Variants in RBFOX1 observed in about 807,000 individuals in gnomAD.
RBFOX1 encodes the protein RNA binding fox-1 homolog 1, also known as RNA binding protein fox-1 homolog 1.
Under a neutral mutation model 57.7 loss-of-function variants are expected in RBFOX1, and 8 were observed. The observed-to-expected ratio is 0.14, with a 90% CI of 0.08 to 0.25. The LOEUF is 0.25. RBFOX1 is among the 10% of genes least tolerant of loss of function. RBFOX1 has a pLI of 1.00. For synonymous variants in RBFOX1, 326 were observed against 222.4 expected (o/e 1.47, Z -4.15); for missense variants, 611 against 548.5 (o/e 1.11, Z -1.14).
intron 2 of RBFOX1, among the ~76,000 whole-genome samples, chr16:6,532,316 G>C (rs2096669418): frequency 6.6e-6 from 1 of 152,138 alleles, no homozygotes; most frequent in African/African-American, 2.4e-5. Flanking sequence ...CAGTGAGCAA[G>C]TGATCTCCAT....
At chr16:5,915,374 C>T (rs956588694) in intron 4 of RBFOX1, among the ~76,000 whole-genome samples, 1 of 152,156 alleles carries the variant, frequency 6.6e-6, no homozygotes, top group Non-Finnish European at 1.5e-5. Context: ...TGAAGCACTC[C>T]AGAGACTAAA....
intron 4 of RBFOX1, among the ~76,000 whole-genome samples, chr16:5,978,064 G>A (rs1376474027): frequency 7.5e-6 from 1 of 133,424 alleles, no homozygotes; most frequent in African/African-American, 2.8e-5. Flanking sequence ...CAAAGTGGAA[G>A]GATCACTTGC....
At chr16:5,730,778 C>A (rs1325793223) in intron 3 of RBFOX1, among the ~76,000 whole-genome samples, 3 of 152,076 alleles carry the variant, frequency 2.0e-5, no homozygotes, top group African/African-American at 7.2e-5. Context: ...CTACCATTGT[C>A]ACCAATGTTA....
chr16:6,413,742 T>C (rs1020247552), intron 2 of RBFOX1, among the ~76,000 whole-genome samples: 3 of 152,234 alleles, frequency 2.0e-5, no homozygotes, highest in Admixed American at 1.3e-4. Flanking sequence ...GTTTATCTTT[T>C]GATACTTAAT....
intron 3 of RBFOX1, among the ~76,000 whole-genome samples, chr16:7,039,745 G>A (rs181359980): frequency 1.3e-5 from 2 of 152,104 alleles, no homozygotes; most frequent in East Asian, 1.9e-4. Flanking sequence ...ACAACCATAC[G>A]TCGGATTATA....
chr16:7,055,481 G>A (rs1469276315), intron 4 of RBFOX1, among the ~76,000 whole-genome samples: 1 of 152,144 alleles, frequency 6.6e-6, no homozygotes, highest in East Asian at 1.9e-4. Flanking sequence ...CTTCCAAGAT[G>A]TCTGCCATCT....
intron 1 of RBFOX1, among the ~76,000 whole-genome samples, chr16:6,021,069 G>T (rs537335036): frequency 1.3e-5 from 2 of 152,246 alleles, no homozygotes; most frequent in South Asian, 2.1e-4. Context: ...TGGTCAGGCA[G>T]TCCGGGCAAT....
intron 14 of RBFOX1, among the ~76,000 whole-genome samples, chr16:7,705,136 A>T (rs967580337): frequency 2.0e-5 from 3 of 151,918 alleles, no homozygotes; most frequent in Non-Finnish European, 4.4e-5. Flanking sequence ...AACATAAAAG[A>T]TGAAAGTCAG....
chr16:7,430,545 C>G (rs924279044), intron 4 of RBFOX1, among the ~76,000 whole-genome samples: 4 of 151,928 alleles, frequency 2.6e-5, no homozygotes, highest in Non-Finnish European at 4.4e-5. Context: ...GCCTGTAGTC[C>G]CAGCTACTCG....
At chr16:5,326,248 A>G (rs2064567062) in intron 1 of RBFOX1, among the ~76,000 whole-genome samples, 1 of 152,162 alleles carries the variant, frequency 6.6e-6, no homozygotes, top group African/African-American at 2.4e-5. Flanking sequence ...AAATTCAGAG[A>G]GCCAATGTGG....
At chr16:5,337,079 C>T (rs989850960) in intron 1 of RBFOX1, among the ~76,000 whole-genome samples, 5 of 152,142 alleles carry the variant, frequency 3.3e-5, no homozygotes, top group African/African-American at 4.8e-5. Context: ...GGAGCAGAGG[C>T]GAGTTCTGCG....
intron 3 of RBFOX1, among the ~76,000 whole-genome samples, chr16:6,682,457 T>C (rs1295977996): frequency 1.3e-5 from 2 of 152,208 alleles, no homozygotes; most frequent in South Asian, 2.1e-4. Context: ...TAGACATTTG[T>C]TAAATATTAA....
chr16:7,477,433 T>C (rs2062973346), intron 4 of RBFOX1, among the ~76,000 whole-genome samples: 1 of 152,024 alleles, frequency 6.6e-6, no homozygotes, highest in East Asian at 1.9e-4. Flanking sequence ...GTGCATCTGG[T>C]TTTACATCAG....
At chr16:7,054,634 C>T (rs1292158720) in intron 4 of RBFOX1, among the ~76,000 whole-genome samples, 3 of 151,582 alleles carry the variant, frequency 2.0e-5, no homozygotes, top group Non-Finnish European at 1.5e-5. Context: ...TTTCCTCAAT[C>T]TCATTTTGCT....
intron 3 of RBFOX1, among the ~76,000 whole-genome samples, chr16:5,710,560 A>T (rs116624686): frequency 1.3e-5 from 2 of 152,170 alleles, no homozygotes; most frequent in Admixed American, 1.3e-4. Flanking sequence ...CAGCTTCCCA[A>T]TTAATCTTTT....
At chr16:6,961,838 C>T (rs1019750318) in intron 3 of RBFOX1, among the ~76,000 whole-genome samples, 4 of 152,114 alleles carry the variant, frequency 2.6e-5, no homozygotes, top group Admixed American at 2.0e-4. Flanking sequence ...TGAGAGCAAA[C>T]CAGAAGTCAC....
chr16:7,520,707 T>A (rs2077344833), intron 5 of RBFOX1, among the ~76,000 whole-genome samples: 1 of 152,224 alleles, frequency 6.6e-6, no homozygotes, highest in African/African-American at 2.4e-5. Flanking sequence ...CAGCAGGTGT[T>A]TGTTGCTTTT....
intron 4 of RBFOX1, among the ~76,000 whole-genome samples, chr16:5,965,395 T>A (rs188253186): frequency 2.6e-4 from 39 of 152,246 alleles, no homozygotes; most frequent in Admixed American, 2.2e-3. Context: ...TATCAAAACA[T>A]CATGAGGTAC....
chr16:7,598,563 C>T (rs1266493696), intron 9 of RBFOX1, among the ~76,000 whole-genome samples: 1 of 152,042 alleles, frequency 6.6e-6, no homozygotes, highest in Non-Finnish European at 1.5e-5. Flanking sequence ...AACCCCATTG[C>T]CACCCTGGTT....
Sources: allele counts gnomAD v4.1 joint callset (sites outside exome capture counted in the v4.1 genomes callset), GRCh38; gene constraint gnomAD v4.1.1; transcripts MANE v1.5; gene names NCBI Gene and HGNC (gene_info 2026-07-23, HGNC 2026-07-21).